INPP4A: variants seen among roughly 807,000 people sequenced by gnomAD.
The protein encoded by INPP4A is inositol polyphosphate-4-phosphatase, type I, 107kD.
INPP4A carries 33 observed loss-of-function variants against 119.8 expected under a neutral mutation model. The observed-to-expected ratio is 0.28, with a 90% CI of 0.21 to 0.37. INPP4A has a LOEUF of 0.37. Among genes scored for constraint, INPP4A ranks in the 10% least tolerant of loss-of-function variants. The pLI, the probability that INPP4A is intolerant of heterozygous loss-of-function variation, is 1.00. For missense variants in INPP4A, 956 were observed against 1,289.9 expected, an observed-to-expected ratio of 0.74 and a Z score of 3.97; for synonymous variants, 496 against 500.7, an observed-to-expected ratio of 0.99 and a Z score of 0.12.
intron 1 of INPP4A, among the ~76,000 whole-genome samples, chr2:98,469,144 T>G (rs1371630465): frequency 1.3e-5 from 2 of 152,192 alleles, no homozygotes; most frequent in Admixed American, 6.5e-5. Flanking sequence ...TTGCCACCTT[T>G]CCCATGAGGT....
chr2:98,580,960 T>C (rs1442363217), intron 24 of INPP4A, among the ~76,000 whole-genome samples: 1 of 152,242 alleles, frequency 6.6e-6, no homozygotes. Context: ...CTTGCAAAGA[T>C]GGAAACAGCA....
chr2:98,485,190 C>T (rs1679292445), intron 1 of INPP4A, among the ~76,000 whole-genome samples: 1 of 152,168 alleles, frequency 6.6e-6, no homozygotes, highest in Admixed American at 6.5e-5. Context: ...TGCTTGCAGG[C>T]CCGTGGCTGC....
chr2:98,528,204 T>G (rs1039085257), intron 4 of INPP4A, among the ~76,000 whole-genome samples: 3 of 152,148 alleles, frequency 2.0e-5, no homozygotes, highest in African/African-American at 7.2e-5. Context: ...AGATAGAAAC[T>G]ATAAAGATAT....
chr2:98,559,458 T>C lies in INPP4A; in HGVS notation c.1823-5T>C, dbSNP rs1434922130. 1.2e-6 allele frequency: 2 copies of C among 1,613,938 alleles called. No homozygotes were observed. The highest frequency in any genetic ancestry group is 3.3e-5 in the Admixed American group (2 of 60,012). ...TCATCCATGTCGCCCTCCATTTCTGTGCAGATTGCAGTCCCCCTCCTGAAG... is the reference window on the plus strand; with the variant it reads ...TCATCCATGTCGCCCTCCATTTCTGCGCAGATTGCAGTCCCCCTCCTGAAG... On this transcript the variant is annotated splice_region_variant and splice_polypyrimidine_tract_variant and intron_variant, in intron 16 of 24. Coordinates refer to ENST00000409851, the MANE Select transcript of INPP4A (RefSeq NM_001134225.2).
intron 4 of INPP4A, among the ~76,000 whole-genome samples, chr2:98,526,670 C>T (rs1160664224): frequency 1.3e-5 from 2 of 152,124 alleles, no homozygotes; most frequent in South Asian, 2.1e-4. Context: ...TCTGTTCTTG[C>T]AGTTCTATAA....
At chr2:98,574,595 A>C (rs1422873318) in intron 23 of INPP4A, among the ~76,000 whole-genome samples, 1 of 150,726 alleles carries the variant, frequency 6.6e-6, no homozygotes, top group Non-Finnish European at 1.5e-5. Context: ...CCGAAATCAC[A>C]CTACTGCACT....
At chr2:98,488,982 T>TGTAA in intron 1 of INPP4A, among the ~76,000 whole-genome samples, 1 of 146,832 alleles carries the variant, frequency 6.8e-6, no homozygotes, top group African/African-American at 2.6e-5. Context: ...TGTGTGTGTG[T>TGTAA]GTAAATGGTG....
At chr2:98,465,091 C>T (rs978892162) in intron 1 of INPP4A, among the ~76,000 whole-genome samples, 1 of 152,192 alleles carries the variant, frequency 6.6e-6, no homozygotes, top group Admixed American at 6.5e-5. Flanking sequence ...CTTTTAATCC[C>T]TTGTATTAGC....
At chr2:98,539,068 A>G (rs1228342316) in intron 9 of INPP4A, 87 bp downstream of exon 9, 1 of 690,854 alleles carries the variant, frequency 1.4e-6, no homozygotes, top group African/African-American at 1.8e-5. Context: ...ACCTGCTGCG[A>G]TTGTCCCAGC....
chr2:98,509,469 T>G (rs1684723584), intron 1 of INPP4A, among the ~76,000 whole-genome samples: 1 of 152,218 alleles, frequency 6.6e-6, no homozygotes, highest in South Asian at 2.1e-4. Flanking sequence ...ACCACTCCCC[T>G]TGACCAGCCC....
intron 1 of INPP4A, among the ~76,000 whole-genome samples, chr2:98,490,267 T>C (rs1680428231): frequency 6.6e-6 from 1 of 151,760 alleles, no homozygotes. Flanking sequence ...TCCCAGAAAA[T>C]TGGGCATCAC....
chr2:98,532,552 A>G (rs1032523659), intron 4 of INPP4A, among the ~76,000 whole-genome samples: 1 of 152,196 alleles, frequency 6.6e-6, no homozygotes, highest in African/African-American at 2.4e-5. Context: ...TTGTGTGAAC[A>G]TGATAGAGTG....
chr2:98,470,427 T>G (rs1675755847), intron 1 of INPP4A, among the ~76,000 whole-genome samples: 1 of 152,206 alleles, frequency 6.6e-6, no homozygotes, highest in South Asian at 2.1e-4. Context: ...TGCTCCTTAG[T>G]GGTCTGTCCC....
chr2:98,552,517 A>G, intron 13 of INPP4A: 1 of 571,742 alleles, frequency 1.7e-6, no homozygotes, highest in Non-Finnish European at 3.3e-6. Context: ...ATACCTGTTC[A>G]TACATTTACA....
intron 1 of INPP4A, among the ~76,000 whole-genome samples, chr2:98,481,137 T>TA (rs1418032927): frequency 6.6e-6 from 1 of 152,168 alleles, no homozygotes; most frequent in African/African-American, 2.4e-5. Flanking sequence ...TAACAAAACA[T>TA]AATTTAATCA....
intron 1 of INPP4A, among the ~76,000 whole-genome samples, chr2:98,499,682 A>T (rs1227675009): frequency 1.3e-5 from 2 of 152,214 alleles, no homozygotes; most frequent in African/African-American, 4.8e-5. Context: ...ATAAACTTAA[A>T]TTTTTTTAGA....
chr2:98,506,290 G>T, intron 1 of INPP4A, among the ~76,000 whole-genome samples: 1 of 152,246 alleles, frequency 6.6e-6, no homozygotes, highest in East Asian at 1.9e-4. Flanking sequence ...CTGCATATCG[G>T]AAAGAGCACT....
rs181760605 is a variant in INPP4A at position 98,474,695 on chromosome 2, T to A, written c.-166+29610T>A. 2.4e-3 allele frequency among the ~76,000 whole-genome samples: 373 copies of A among 152,330 alleles called. 1 individual carries two copies. Among genetic ancestry groups the A allele is most frequent in the African/African-American group, 8.6e-3 (358 of 41,580 alleles). On this transcript the variant is annotated intron_variant, in intron 1 of 24. Transcript: ENST00000409851. ...TCACCCTGACATTTGGCAGCCTCTCTTTGCAGATTGCCATCAGCATCAGCC... is the reference window on the plus strand; with the variant it reads ...TCACCCTGACATTTGGCAGCCTCTCATTGCAGATTGCCATCAGCATCAGCC...
intron 18 of INPP4A, among the ~76,000 whole-genome samples, chr2:98,563,864 CAG>C (rs1471748414): frequency 1.3e-5 from 2 of 151,968 alleles, no homozygotes; most frequent in African/African-American, 4.8e-5. Flanking sequence ...CTGGCACCTG[CAG>C]AGTCTGCCGA....
Sources: allele counts gnomAD v4.1 joint callset (sites outside exome capture counted in the v4.1 genomes callset), GRCh38; gene constraint gnomAD v4.1.1; transcripts MANE v1.5; gene names NCBI Gene and HGNC (gene_info 2026-07-23, HGNC 2026-07-21).